The following BCL11A variants were observed in gnomAD, a reference collection of about 807,000 sequenced individuals.
BCL11A encodes BCL11 transcription factor A.
In BCL11A, 2 loss-of-function variants were observed where a neutral mutation model predicts 55.9. That is an observed-to-expected ratio of 0.04 (90% confidence interval 0.01 to 0.11). The LOEUF (loss-of-function observed/expected upper bound fraction) is 0.11, where lower values mean the gene tolerates loss of function less well. Among genes scored for constraint, BCL11A ranks in the 10% least tolerant of loss-of-function variants. The probability of loss-of-function intolerance (pLI) is 1.00; values close to 1 mark genes in which losing one functional copy is unlikely to be tolerated. For missense variants in BCL11A, 817 were observed against 1,137.1 expected (o/e 0.72, Z 4.05); for synonymous variants, 465 against 473.4 (o/e 0.98, Z 0.23).
chr2:60,479,025 T>C (rs942855843), intron 2 of BCL11A, among the ~76,000 whole-genome samples: 1 of 152,058 alleles, frequency 6.6e-6, no homozygotes, highest in Admixed American at 6.5e-5. Flanking sequence ...CCTTCATTTA[T>C]ACCACTGACC....
In BCL11A at chr2:60,553,310, C is replaced by G. The variant is rs1243839697; in HGVS notation, c.-40G>C. On this transcript the variant is annotated 5_prime_UTR_variant, in exon 1 of 4. Coordinates refer to ENST00000642384, the MANE Select transcript of BCL11A (RefSeq NM_022893.4). ...CGGGCGGCGGCGGCGGCGGCGGCGG[C>G]GGCGGGCGGACGACGGCTCGGTTCA... 2 of 1,519,874 alleles carry G rather than the reference C, an allele frequency of 1.3e-6. No individual in the cohort carries two copies. Among genetic ancestry groups the G allele is most frequent in the Non-Finnish European group, 1.8e-6 (2 of 1,140,328 alleles). 94.1% of individuals were successfully genotyped at this position (1,519,874 alleles called of 1,614,324 possible).
intron 3 of BCL11A, among the ~76,000 whole-genome samples, chr2:60,467,272 G>A (rs1449717581): frequency 8.6e-6 from 1 of 116,094 alleles, no homozygotes; most frequent in African/African-American, 3.6e-5. Context: ...TGGTGATGGT[G>A]GTGGTGGTGG....
At chr2:60,457,062 G>GTATA (rs1239591950), downstream of BCL11A, 5 of 167,092 alleles carry the variant, frequency 3.0e-5, no homozygotes, top group African/African-American at 1.2e-4. Flanking sequence ...TTCCTTTAGG[G>GTATA]TATAATACAC....
chr2:60,458,401 CT>C lies in BCL11A; in HGVS notation c.*2002del, dbSNP rs1269163333. The C allele has an allele frequency of 7.8e-6, 8 of 1,021,934 alleles. No individual in the cohort carries two copies. Among genetic ancestry groups the C allele is most frequent in the Admixed American group, 5.8e-5 (1 of 17,240 alleles). 63.3% of individuals were successfully genotyped at this position (1,021,934 alleles called of 1,614,324 possible). On this transcript the variant is annotated 3_prime_UTR_variant, in exon 4 of 4. Coordinates refer to ENST00000642384, the MANE Select transcript of BCL11A (RefSeq NM_022893.4). ...TGGAACCCTAAAATGCAGTTCCCCC[CT>C]AAACATAATGAAGTGTTTTTTAAAA...
Position 60,462,120 on chromosome 2 carries a change from G to C in BCL11A, c.792C>G (p.Pro264=), listed in dbSNP as rs368407556. Residue 264 remains proline, a synonymous_variant, in exon 4 of 4, where the codon CCC becomes CCG. Coordinates refer to ENST00000642384, the MANE Select transcript of BCL11A (RefSeq NM_022893.4). ...GATGTCTCGGTGGTGGACTAAACAGGGGGGGAGTGGGTGGAAAGCGCCCTT... is the reference window on the plus strand; with the variant it reads ...GATGTCTCGGTGGTGGACTAAACAGCGGGGGAGTGGGTGGAAAGCGCCCTT... The part of the protein sequence containing the change: ...LAEGRFPPTP[P]LFSPPPRHHL... 1.0e-5 allele frequency: 16 copies of C among 1,551,746 alleles called. No homozygotes were observed. The highest frequency in any genetic ancestry group is 2.5e-5 in the South Asian group (2 of 81,022).
In BCL11A at chr2:60,553,388, C is replaced by T; in HGVS notation, c.-118G>A. The T allele has an allele frequency of 1.0e-6, 1 of 993,608 alleles. No individual in the cohort carries two copies. The highest frequency in any genetic ancestry group is 1.7e-5 in the African/African-American group (1 of 58,140). The allele number at this position is 993,608 out of a possible 1,614,324, so 61.5% of individuals were successfully genotyped here. A position where few individuals can be genotyped will look rare whatever the true frequency, so the allele number is the denominator to read the frequency against. On this transcript the variant is annotated 5_prime_UTR_variant, in exon 1 of 4. Transcript: ENST00000642384. ...GAGACTCCAGAGAAAATATCTTCAT[C>T]AGTGCCTTTTGACATCCAAAATAAA...
intron 2 of BCL11A, among the ~76,000 whole-genome samples, chr2:60,539,548 A>G (rs1669827886): frequency 6.6e-6 from 1 of 152,230 alleles, no homozygotes; most frequent in African/African-American, 2.4e-5. Context: ...AATTCCAATG[A>G]ACCCAATATG....
chr2:60,473,644 C>T (rs947313088), intron 2 of BCL11A, among the ~76,000 whole-genome samples: 1 of 152,202 alleles, frequency 6.6e-6, no homozygotes, highest in Non-Finnish European at 1.5e-5. Context: ...CCTTTCTATT[C>T]AGCCGCATCT....
chr2:60,529,427 T>G (rs1669349861), intron 2 of BCL11A, among the ~76,000 whole-genome samples: 1 of 152,204 alleles, frequency 6.6e-6, no homozygotes, highest in African/African-American at 2.4e-5. Flanking sequence ...GTATTACTTC[T>G]TTACCCTCAG....
chr2:60,487,776 T>C (rs1441587807), intron 2 of BCL11A, among the ~76,000 whole-genome samples: 1 of 152,250 alleles, frequency 6.6e-6, no homozygotes, highest in Non-Finnish European at 1.5e-5. Context: ...TCAACCATTC[T>C]ATCTAAGGAA....
At chr2:60,473,158 ATG>A (rs1158366633) in intron 2 of BCL11A, among the ~76,000 whole-genome samples, 2 of 151,192 alleles carry the variant, frequency 1.3e-5, no homozygotes, top group African/African-American at 2.4e-5. Flanking sequence ...GTGTGTGTAT[ATG>A]TGAGTGTGTG....
intron 2 of BCL11A, among the ~76,000 whole-genome samples, chr2:60,483,349 C>T (rs1172223617): frequency 1.3e-5 from 2 of 152,150 alleles, no homozygotes; most frequent in Non-Finnish European, 1.5e-5. Flanking sequence ...TGGTTTAAAT[C>T]GATGCCTCAA....
At chr2:60,478,107 A>G (rs764838590) in intron 2 of BCL11A, 1 of 152,324 alleles carries the variant, frequency 6.6e-6, no homozygotes, top group Non-Finnish European at 1.5e-5. Flanking sequence ...GACTACAGGC[A>G]TGCGCCACCA....
intron 2 of BCL11A, among the ~76,000 whole-genome samples, chr2:60,488,296 C>T (rs993025143): frequency 3.3e-5 from 5 of 152,164 alleles, no homozygotes; most frequent in Admixed American, 6.5e-5. Context: ...GGAAGAAGAC[C>T]GTCTCTTTGG....
At chr2:60,503,314 G>A (rs565332491) in intron 2 of BCL11A, among the ~76,000 whole-genome samples, 1 of 152,308 alleles carries the variant, frequency 6.6e-6, no homozygotes, top group African/African-American at 2.4e-5. Flanking sequence ...GTGGCTGCAA[G>A]GAGCCTCACT....
At position 60,459,810 on chromosome 2, in the gene BCL11A, G is replaced by A. The variant is rs368389144; in HGVS notation, c.*594C>T. On this transcript the variant is annotated 3_prime_UTR_variant, in exon 4 of 4. Coordinates refer to ENST00000642384, the MANE Select transcript of BCL11A (RefSeq NM_022893.4). ...TAGAGACAGACATTTAGCTCATAGA[G>A]ATTTTTTTTCAGTGCTATCTATTCT... The A allele has an allele frequency of 1.9e-6, 2 of 1,043,288 alleles. No individual in the cohort carries two copies. Among genetic ancestry groups the A allele is most frequent in the African/African-American group, 3.3e-5 (2 of 60,000 alleles). The allele number at this position is 1,043,288 out of a possible 1,614,324, so 64.6% of individuals were successfully genotyped here.
At chr2:60,532,874 G>T (rs1573072089) in intron 2 of BCL11A, 1 of 152,190 alleles carries the variant, frequency 6.6e-6, no homozygotes, top group Admixed American at 6.5e-5. Context: ...GATTTTGAAG[G>T]AGCTAATGAG....
At chr2:60,550,738 G>A (rs1050433910) in intron 1 of BCL11A, 18 of 398,068 alleles carry the variant, frequency 4.5e-5, no homozygotes, top group Non-Finnish European at 7.5e-5. Flanking sequence ...GACCCAGGAG[G>A]GAGAGGGGTA....
intron 2 of BCL11A, among the ~76,000 whole-genome samples, chr2:60,531,337 C>T (rs1163495734): frequency 6.6e-6 from 1 of 152,188 alleles, no homozygotes; most frequent in African/African-American, 2.4e-5. Flanking sequence ...GGACTGCCCC[C>T]TCCTTTGCGT....
Sources: gnomAD v4.1 joint callset for allele counts (sites outside exome capture counted in the v4.1 genomes callset) on GRCh38, gnomAD v4.1.1 for gene constraint, MANE v1.5 for transcripts, NCBI Gene and HGNC (gene_info 2026-07-23, HGNC 2026-07-21) for gene names.